TRANK1: variants seen among roughly 807,000 people sequenced by gnomAD.
TRANK1 encodes the protein tetratricopeptide repeat and ankyrin repeat containing 1, also known as TPR and ankyrin repeat-containing protein 1.
Under a neutral mutation model 266.0 loss-of-function variants are expected in TRANK1, and 198 were observed. That is an observed-to-expected ratio of 0.74 (90% CI 0.66 to 0.84). The LOEUF (loss-of-function observed/expected upper bound fraction) is 0.84. Ranked by LOEUF, TRANK1 falls within the 40% of genes least tolerant of loss-of-function variation. TRANK1 has a pLI of 0.00. For synonymous variants in TRANK1, 1,396 were observed against 1,384.1 expected, an observed-to-expected ratio of 1.01 and a Z score of -0.19; for missense variants, 3,326 against 3,634.6, an observed-to-expected ratio of 0.92 and a Z score of 2.18.
Position 36,831,773 on chromosome 3 carries a change from G to A in TRANK1, c.7810C>T (p.Pro2604Ser). 3.1e-6 allele frequency: 5 copies of A among 1,613,904 alleles called. No homozygotes were observed. Among genetic ancestry groups the A allele is most frequent in the Non-Finnish European group, 4.2e-6 (5 of 1,179,872 alleles). The change falls in exon 22 of 24, where the codon CCT becomes TCT. Residue 2604 changes from proline to serine, a missense_variant. Coordinates refer to ENST00000645898, the MANE Select transcript of TRANK1 (RefSeq NM_001329998.2). The surrounding 1 kb of genome is among the most constrained non-coding windows in gnomAD (Gnocchi z 5.0). ...SRLQLMSMDC[P>S]GQVPERLLKV... ...AGGAGCCTCTCGGGAACCTGGCCAG[G>A]GCAGTCCATGCTCATGAGCTGCAGC...
At chr3:36,919,198 C>T (rs2125647024) in intron 1 of TRANK1, among the ~76,000 whole-genome samples, 1 of 152,306 alleles carries the variant, frequency 6.6e-6, no homozygotes, top group South Asian at 2.1e-4. Context: ...ATGCACTACT[C>T]TTCGGTGTTC....
At chr3:36,872,712 G>A (rs1209169199) in intron 9 of TRANK1, among the ~76,000 whole-genome samples, 4 of 152,112 alleles carry the variant, frequency 2.6e-5, no homozygotes, top group Admixed American at 6.6e-5. Context: ...AAGGTACAGA[G>A]ACATATATTA....
At chr3:36,896,668 C>A (rs1336066891) in intron 4 of TRANK1, among the ~76,000 whole-genome samples, 1 of 152,170 alleles carries the variant, frequency 6.6e-6, no homozygotes, top group East Asian at 1.9e-4. Flanking sequence ...TCCCATAACT[C>A]CGGCCTGGCT....
At chr3:36,883,835 G>T (rs1029472458) in intron 8 of TRANK1, among the ~76,000 whole-genome samples, 3 of 152,042 alleles carry the variant, frequency 2.0e-5, no homozygotes, top group African/African-American at 4.8e-5. Context: ...TCCTAAAATG[G>T]AATACAAACA....
intron 9 of TRANK1, among the ~76,000 whole-genome samples, chr3:36,870,172 C>T (rs6795872): frequency 2.4e-3 from 361 of 152,294 alleles, no homozygotes; most frequent in African/African-American, 8.4e-3. Flanking sequence ...CTTTAGGAGG[C>T]TGAAGGGAGT....
In TRANK1 at chr3:36,842,716, A is replaced by C; in HGVS notation, c.5192-6T>G. The C allele has an allele frequency of 6.2e-7, 1 of 1,612,838 alleles. No individual in the cohort carries two copies. The highest frequency in any genetic ancestry group is 8.5e-7 in the Non-Finnish European group (1 of 1,179,308). On this transcript the variant is annotated splice_region_variant and splice_polypyrimidine_tract_variant and intron_variant, in intron 17 of 23. Coordinates refer to ENST00000645898, the MANE Select transcript of TRANK1 (RefSeq NM_001329998.2). ...GAACATGCTATCATCAAAGTCTAAAATGAGAAAGAAAAGTGTGTTTGCTTC... is the reference window on the plus strand; with the variant it reads ...GAACATGCTATCATCAAAGTCTAAACTGAGAAAGAAAAGTGTGTTTGCTTC...
At chr3:36,897,822 G>T (rs760339014) in intron 4 of TRANK1, among the ~76,000 whole-genome samples, 1 of 152,292 alleles carries the variant, frequency 6.6e-6, no homozygotes, top group East Asian at 1.9e-4. Context: ...CCTAGGTATT[G>T]GCAGGACTTT....
chr3:36,937,167 G>A (rs2080437466), intron 1 of TRANK1, among the ~76,000 whole-genome samples: 1 of 152,196 alleles, frequency 6.6e-6, no homozygotes. Context: ...TGGAGTCTCA[G>A]TCATTCAACC....
At chr3:36,899,301 CCT>C (rs1209363594) in intron 3 of TRANK1, 42 bp from the exon 4 acceptor site, 2 of 1,505,766 alleles carry the variant, frequency 1.3e-6, no homozygotes, top group East Asian at 5.0e-5. Flanking sequence ...TACCACATCT[CCT>C]TTAACCTGCT....
intron 1 of TRANK1, among the ~76,000 whole-genome samples, chr3:36,934,584 C>G (rs942728182): frequency 2.0e-5 from 3 of 152,214 alleles, no homozygotes; most frequent in Non-Finnish European, 2.9e-5. Flanking sequence ...TCACCCCGCC[C>G]TGGGTATCTC....
intron 10 of TRANK1, among the ~76,000 whole-genome samples, chr3:36,862,695 G>T: frequency 6.6e-6 from 1 of 152,212 alleles, no homozygotes; most frequent in East Asian, 1.9e-4. Flanking sequence ...ACCACTGAAA[G>T]AGAGAGACAG....
Position 36,834,839 on chromosome 3 carries a change from C to G in TRANK1, c.5586G>C (p.Gln1862His). 1 of 1,613,796 alleles carries G rather than the reference C, an allele frequency of 6.2e-7. No homozygotes were observed. Residue 1862 changes from glutamine to histidine, a missense_variant, in exon 21 of 24, where the codon CAG becomes CAC. Physicochemically the swap from Gln to His is conservative, Grantham distance 24. Coordinates refer to ENST00000645898, the MANE Select transcript of TRANK1 (RefSeq NM_001329998.2). The part of the protein sequence containing the change: ...CYKDAFRCFE[Q>H]IQEFDLALKM... ...TGAGTGCTAGATCAAATTCCTGAAT[C>G]TGCTCAAAGCATCTGAAAGCGTCTT...
intron 7 of TRANK1, among the ~76,000 whole-genome samples, chr3:36,891,447 C>T (rs1013366173): frequency 6.6e-6 from 1 of 152,128 alleles, no homozygotes; most frequent in African/African-American, 2.4e-5. Flanking sequence ...CCCATGGCCA[C>T]CTCCCACACC....
At chr3:36,874,398 C>A (rs2079355749) in intron 8 of TRANK1, 102 bp from the exon 9 acceptor site, 1 of 1,305,542 alleles carries the variant, frequency 7.7e-7, no homozygotes, top group African/African-American at 1.5e-5. Flanking sequence ...CAGCCCAGGG[C>A]AAGAGGACTA....
At chr3:36,860,063 T>C (rs2079119568) in intron 11 of TRANK1, among the ~76,000 whole-genome samples, 1 of 152,228 alleles carries the variant, frequency 6.6e-6, no homozygotes, top group Admixed American at 6.5e-5. Flanking sequence ...ATATCTTACA[T>C]ATTATGTGTT....
At chr3:36,870,334 G>C (rs1228564031) in intron 9 of TRANK1, among the ~76,000 whole-genome samples, 1 of 152,080 alleles carries the variant, frequency 6.6e-6, no homozygotes, top group East Asian at 1.9e-4. Context: ...TTGGACCCGG[G>C]AGATGGAGGT....
At chr3:36,846,150 G>C (rs1311698316) in intron 17 of TRANK1, 98 bp downstream of exon 17, 2 of 1,229,416 alleles carry the variant, frequency 1.6e-6, no homozygotes, top group African/African-American at 3.1e-5. Context: ...AAGAAAGAAA[G>C]CACTTTCAAA....
At chr3:36,930,016 A>G (rs958776625) in intron 1 of TRANK1, among the ~76,000 whole-genome samples, 2 of 152,186 alleles carry the variant, frequency 1.3e-5, no homozygotes. Flanking sequence ...CTGGGATTAC[A>G]GGCATGTGCC....
At chr3:36,910,441 T>A (rs1239100658) in intron 1 of TRANK1, among the ~76,000 whole-genome samples, 2 of 152,184 alleles carry the variant, frequency 1.3e-5, no homozygotes, top group African/African-American at 4.8e-5. Context: ...ACACAGTTAT[T>A]TTTAAAATCA....
Sources: gnomAD v4.1 joint callset for allele counts (sites outside exome capture counted in the v4.1 genomes callset) on GRCh38, gnomAD v4.1.1 for gene constraint, Gnocchi (gnomAD v3.1) non-coding constraint, MANE v1.5 for transcripts, NCBI Gene and HGNC (gene_info 2026-07-23, HGNC 2026-07-21) for gene names.